TRPM3: variants seen among roughly 807,000 people sequenced by gnomAD.
The protein encoded by TRPM3 is long transient receptor potential channel 3.
A neutral mutation model predicts 181.2 loss-of-function variants in TRPM3; 77 were observed. That is an observed-to-expected ratio of 0.42 (90% CI 0.35 to 0.51). The LOEUF (loss-of-function observed/expected upper bound fraction) is 0.51, where lower values mean the gene tolerates loss of function less well. TRPM3 is among the 20% of genes least tolerant of loss of function. TRPM3 has a pLI of 0.01. For synonymous variants in TRPM3, 745 were observed against 796.4 expected (o/e 0.94, Z 1.09); for missense variants, 1,759 against 2,196.7 (o/e 0.80, Z 3.98).
At chr9:71,348,530 T>C (rs1387004838) in intron 1 of TRPM3, among the ~76,000 whole-genome samples, 3 of 150,690 alleles carry the variant, frequency 2.0e-5, no homozygotes, top group Non-Finnish European at 3.0e-5. Context: ...TTGACTTTTC[T>C]GAAAACAGTT....
At position 70,602,106 on chromosome 9, in the gene TRPM3, C is replaced by CTTTTT. The variant is rs6151027; in HGVS notation, c.2796+1231_2796+1235dup. Among the ~76,000 whole-genome samples, 366 of 128,154 alleles carry CTTTTT rather than the reference C, an allele frequency of 2.9e-3. 10 individuals are homozygous for CTTTTT. The highest frequency in any genetic ancestry group is 8.3e-3 in the African/African-American group (281 of 34,006). 84.1% of individuals were successfully genotyped at this position (128,154 alleles called of 152,430 possible). A position where few individuals can be genotyped will look rare whatever the true frequency, so the allele number is the denominator to read the frequency against. Reference sequence around the variant, plus strand: ...CCAGCTGGAACAAGGCAAGGCATTCCTTTTTTTTTTTTTTTTTTAAATCCA... The same window carrying CTTTTT: ...CCAGCTGGAACAAGGCAAGGCATTCCTTTTTTTTTTTTTTTTTTTTTTTAAATCCA... On this transcript the variant is annotated intron_variant, in intron 20 of 25. Coordinates refer to ENST00000677713, the MANE Select transcript of TRPM3 (RefSeq NM_001366145.2).
At chr9:71,240,616 G>C (rs927662588) in intron 1 of TRPM3, among the ~76,000 whole-genome samples, 1 of 150,800 alleles carries the variant, frequency 6.6e-6, no homozygotes, top group Non-Finnish European at 1.5e-5. Context: ...AGCCAGAATC[G>C]TTTAAAATAG....
intron 1 of TRPM3, among the ~76,000 whole-genome samples, chr9:71,119,490 G>A (rs1397201120): frequency 6.6e-6 from 1 of 151,810 alleles, no homozygotes; most frequent in Non-Finnish European, 1.5e-5. Flanking sequence ...ACCTCAGGTA[G>A]GTACTTCTCT....
At chr9:71,441,061 G>A (rs1259335525) in intron 1 of TRPM3, among the ~76,000 whole-genome samples, 1 of 152,014 alleles carries the variant, frequency 6.6e-6, no homozygotes, top group Non-Finnish European at 1.5e-5. Flanking sequence ...TTTGAATTAG[G>A]CATTTTCTAA....
intron 1 of TRPM3, among the ~76,000 whole-genome samples, chr9:71,132,204 C>T (rs181539154): frequency 4.4e-4 from 67 of 152,270 alleles, no homozygotes; most frequent in African/African-American, 1.5e-3. Flanking sequence ...AATTTTACAT[C>T]TGAGCAAACT....
At chr9:71,168,535 GATTTATTT>G (rs1157301406) in intron 1 of TRPM3, among the ~76,000 whole-genome samples, 3,534 of 67,800 alleles carry the variant, frequency 0.052, 181 homozygotes, top group East Asian at 0.13. Flanking sequence ...TTTAAGGTGT[GATTTATTT>G]ATTTATTTAT....
chr9:70,799,223 T>G (rs1020807273), intron 6 of TRPM3, among the ~76,000 whole-genome samples: 1 of 152,182 alleles, frequency 6.6e-6, no homozygotes, highest in Non-Finnish European at 1.5e-5. Flanking sequence ...ACTGAGGTGA[T>G]TGGTATGTTT....
chr9:71,279,732 A>G (rs2132182749), intron 1 of TRPM3, among the ~76,000 whole-genome samples: 1 of 152,324 alleles, frequency 6.6e-6, no homozygotes, highest in Non-Finnish European at 1.5e-5. Context: ...GAGATGATTC[A>G]GGAGCAATGC....
At chr9:70,988,592 G>A (rs1370727043) in intron 1 of TRPM3, among the ~76,000 whole-genome samples, 2 of 152,166 alleles carry the variant, frequency 1.3e-5, no homozygotes, top group Non-Finnish European at 2.9e-5. Context: ...ATTATTCAAT[G>A]ATGTGAATCT....
chr9:71,207,777 A>G (rs2079213765), intron 1 of TRPM3, among the ~76,000 whole-genome samples: 1 of 152,182 alleles, frequency 6.6e-6, no homozygotes, highest in African/African-American at 2.4e-5. Context: ...TTTTCAACAG[A>G]TCTTCCTTGC....
intron 22 of TRPM3, among the ~76,000 whole-genome samples, chr9:70,576,408 C>T (rs1243369010): frequency 1.3e-5 from 2 of 152,246 alleles, no homozygotes; most frequent in East Asian, 1.9e-4. Context: ...AAACCACATA[C>T]TTGAACACAG....
intron 1 of TRPM3, among the ~76,000 whole-genome samples, chr9:71,436,492 G>A (rs1048565928): frequency 5.6e-3 from 1 of 180 alleles, no homozygotes; most frequent in African/African-American, 5.9e-3. Flanking sequence ...TAGTAGAGAC[G>A]GGGGGTTTCA....
At chr9:70,691,899 G>A (rs1163296581) in intron 8 of TRPM3, among the ~76,000 whole-genome samples, 1 of 152,118 alleles carries the variant, frequency 6.6e-6, no homozygotes, top group African/African-American at 2.4e-5. Context: ...TGGGTTCTTA[G>A]TTCCTGTTTC....
At chr9:70,911,108 C>G (rs1484698766) in intron 1 of TRPM3, among the ~76,000 whole-genome samples, 1 of 152,158 alleles carries the variant, frequency 6.6e-6, no homozygotes, top group Non-Finnish European at 1.5e-5. Flanking sequence ...GGACTTTTCA[C>G]AAAAGAAAAT....
intron 9 of TRPM3, among the ~76,000 whole-genome samples, chr9:70,645,462 G>A (rs1029965306): frequency 9.2e-5 from 14 of 152,164 alleles, no homozygotes; most frequent in African/African-American, 3.4e-4. Flanking sequence ...ATGGGGAAAG[G>A]ATTCCCTATT....
chr9:71,000,124 GA>G (rs1452637191), intron 1 of TRPM3, among the ~76,000 whole-genome samples: 1 of 152,134 alleles, frequency 6.6e-6, no homozygotes, highest in Non-Finnish European at 1.5e-5. Context: ...GGACAAACAG[GA>G]AGCGATCTTT....
At chr9:70,739,083 T>C (rs1009848614) in intron 8 of TRPM3, among the ~76,000 whole-genome samples, 1 of 152,142 alleles carries the variant, frequency 6.6e-6, no homozygotes, top group Non-Finnish European at 1.5e-5. Flanking sequence ...ATCCTATTGA[T>C]ATTATTTCAA....
chr9:71,256,651 A>T (rs1177047451), intron 1 of TRPM3, among the ~76,000 whole-genome samples: 1 of 152,152 alleles, frequency 6.6e-6, no homozygotes, highest in Non-Finnish European at 1.5e-5. Flanking sequence ...ATAGGGAGGA[A>T]TGCATGAGAG....
chr9:70,678,784 G>T (rs1048856432), intron 9 of TRPM3, among the ~76,000 whole-genome samples: 1 of 152,112 alleles, frequency 6.6e-6, no homozygotes, highest in Admixed American at 6.6e-5. Flanking sequence ...ACATGCCCAC[G>T]CATAATTCAA....
Sources: gnomAD v4.1 joint callset for allele counts (sites outside exome capture counted in the v4.1 genomes callset) on GRCh38, gnomAD v4.1.1 for gene constraint, MANE v1.5 for transcripts, NCBI Gene and HGNC (gene_info 2026-07-23, HGNC 2026-07-21) for gene names.